Variants in SH3TC2 observed in about 807,000 individuals in gnomAD.
SH3TC2 encodes SH3 domain and tetratricopeptide repeat-containing protein 2.
In SH3TC2, 87 loss-of-function variants were observed where a neutral mutation model predicts 124.5. That is an observed-to-expected ratio of 0.70 (90% CI 0.59 to 0.84). The LOEUF (loss-of-function observed/expected upper bound fraction) is 0.84. SH3TC2 is among the 40% of genes least tolerant of loss of function. The pLI is 0.00. For missense variants in SH3TC2, 1,536 were observed against 1,566.4 expected (o/e 0.98, Z 0.33); for synonymous variants, 634 against 628.5 (o/e 1.01, Z -0.13).
rs529484096 is a variant in SH3TC2, at chr5:149,058,830, G to T, written c.52+4141C>A. On this transcript the variant is annotated intron_variant, in intron 1 of 16. Transcript: ENST00000515425. ...GTTTAGAATGGATACAGTAAGCGAT[G>T]GTGAGGTGTGAAATATTCTTGAGCA... is the stretch of plus-strand genomic sequence containing the variant. 9.9e-5 allele frequency among the ~76,000 whole-genome samples: 15 copies of T among 152,194 alleles called. No individual in the cohort carries two copies. The South Asian group carries it at 3.1e-3, about 32-fold the overall frequency.
rs1285566037 is a variant in SH3TC2 at position 149,031,594 on chromosome 5, G to T, written c.1095C>A (p.His365Gln). The change falls in exon 9 of 17, where the codon CAC becomes CAA. Residue 365 changes from histidine (H) to glutamine (Q), a missense_variant. By Grantham distance (24) the His-to-Gln change is conservative. Transcript: ENST00000515425. ...ATGTGATGTCAGTGCGAGCAAGAGTGTGGAGGAAGCTGGAACACTCAGTCT... is the reference window on the plus strand; with the variant it reads ...ATGTGATGTCAGTGCGAGCAAGAGTTTGGAGGAAGCTGGAACACTCAGTCT... ...DKQTECSSFL[H>Q]TLARTDITSV... The T allele has an allele frequency of 3.1e-6, 5 of 1,614,076 alleles. No individual in the cohort carries two copies. In the African/African-American group the frequency reaches 6.7e-5, roughly 22 times the overall value.
intron 5 of SH3TC2, among the ~76,000 whole-genome samples, chr5:149,041,947 T>C (rs1189176719): frequency 1.3e-5 from 2 of 152,226 alleles, no homozygotes; most frequent in African/African-American, 2.4e-5. Flanking sequence ...TCATTTATTG[T>C]TGCAACCTCA....
chr5:149,042,040 A>T (rs1754379906), intron 5 of SH3TC2, among the ~76,000 whole-genome samples: 1 of 152,230 alleles, frequency 6.6e-6, no homozygotes, highest in Admixed American at 6.5e-5. Flanking sequence ...TAATAGCATG[A>T]TATTAAATTC....
intron 1 of SH3TC2, 70 bp downstream of exon 1, chr5:149,062,901 G>A: frequency 1.4e-6 from 2 of 1,448,150 alleles, no homozygotes; most frequent in Non-Finnish European, 1.9e-6. Flanking sequence ...CAACCCAGCA[G>A]GTCCCTGAGC....
Position 148,994,903 on chromosome 5 carries a change from C to G in SH3TC2, c.*9808G>C, listed in dbSNP as rs1004912734. On this transcript the variant is annotated 3_prime_UTR_variant, in exon 17 of 17. Transcript: ENST00000515425. ...AGGGCAAGGATGAGGTTTTTATCCA[C>G]ATCCCACAATACCATGAACTTATGA... 6.6e-6 allele frequency among the ~76,000 whole-genome samples: 1 copy of G among 152,166 alleles called. No individual in the cohort carries two copies. Among genetic ancestry groups the G allele is most frequent in the Non-Finnish European group, 1.5e-5 (1 of 68,040 alleles).
intron 12 of SH3TC2, among the ~76,000 whole-genome samples, chr5:149,022,343 T>C (rs1489715348): frequency 1.3e-5 from 2 of 152,074 alleles, no homozygotes; most frequent in Non-Finnish European, 2.9e-5. Context: ...TGAGATACAA[T>C]ATCACTCCCA....
intron 4 of SH3TC2, 149 bp from the exon 5 acceptor site, chr5:149,042,986 G>T: frequency 1.2e-5 from 10 of 865,642 alleles, no homozygotes; most frequent in Non-Finnish European, 1.9e-5. Flanking sequence ...AACATAAGAG[G>T]CAAAGCCAGA....
chr5:149,007,181 G>A (rs749854781), intron 15 of SH3TC2, 104 bp from the exon 16 acceptor site: 2 of 1,035,870 alleles, frequency 1.9e-6, no homozygotes, highest in Non-Finnish European at 3.0e-6. Context: ...TAGATGTCAG[G>A]GACTGTGCTG....
At position 148,983,510 on chromosome 5, in the gene SH3TC2, C is replaced by A. The variant is rs905315518; in HGVS notation, c.*21201G>T. Among the ~76,000 whole-genome samples the A allele has an allele frequency of 6.3e-4, 96 of 152,162 alleles. No homozygotes were observed. Among genetic ancestry groups the A allele is most frequent in the African/African-American group, 2.2e-3 (92 of 41,434 alleles). On this transcript the variant is annotated 3_prime_UTR_variant, in exon 17 of 17. Transcript: ENST00000515425. ...TTATCCAGGTGGAGGTCCCAAGAAA[C>A]CAAATGCAGCTCCCTTTTTTACAGT... is the stretch of plus-strand genomic sequence containing the variant.
At chr5:149,005,043 C>A in intron 16 of SH3TC2, 141 bp from the exon 17 acceptor site, 1 of 986,746 alleles carries the variant, frequency 1.0e-6, no homozygotes, top group Non-Finnish European at 1.5e-6. Context: ...TCCCCATCTC[C>A]TGAGTCCTTA....
chr5:149,033,335 A>T (rs1287372522), intron 8 of SH3TC2, among the ~76,000 whole-genome samples: 1 of 152,234 alleles, frequency 6.6e-6, no homozygotes, highest in Non-Finnish European at 1.5e-5. Context: ...AGCTTCTGGC[A>T]ATATGGCAGG....
chr5:149,008,638 A>G, intron 15 of SH3TC2: 1 of 629,158 alleles, frequency 1.6e-6, no homozygotes, highest in South Asian at 1.9e-5. Context: ...AACTACCATG[A>G]GGTGGGCACT....
At chr5:149,009,967 C>G (rs1245829180) in intron 14 of SH3TC2, among the ~76,000 whole-genome samples, 1 of 152,178 alleles carries the variant, frequency 6.6e-6, no homozygotes, top group Admixed American at 6.5e-5. Context: ...AAGTGTGCTG[C>G]AGACCATAAA....
chr5:149,026,815 C>A, intron 11 of SH3TC2, 45 bp downstream of exon 11: 1 of 1,614,138 alleles, frequency 6.2e-7, no homozygotes, highest in Non-Finnish European at 8.5e-7. Context: ...AAACTTGATC[C>A]AACACTTTTC....
At chr5:149,062,389 C>T (rs1364734882) in intron 1 of SH3TC2, 1 of 533,772 alleles carries the variant, frequency 1.9e-6, no homozygotes, top group Non-Finnish European at 3.9e-6. Flanking sequence ...CCCAGGCAAA[C>T]CATAATGGCT....
chr5:149,061,790 G>C (rs192207623), intron 1 of SH3TC2, among the ~76,000 whole-genome samples: 3 of 152,204 alleles, frequency 2.0e-5, no homozygotes, highest in African/African-American at 4.8e-5. Context: ...ACTCTCATGG[G>C]GCACAATGAC....
In SH3TC2 at chr5:148,996,428, T is replaced by C. The variant is rs780934660; in HGVS notation, c.*8283A>G. On this transcript the variant is annotated 3_prime_UTR_variant, in exon 17 of 17. Coordinates refer to ENST00000515425, the MANE Select transcript of SH3TC2 (RefSeq NM_024577.4). Reference sequence around the variant, plus strand: ...ATGAAAATCCTCCAAGTAATCTTTCTGTTTGCTATCCTTTCCCTCCACCCA... The same window carrying C: ...ATGAAAATCCTCCAAGTAATCTTTCCGTTTGCTATCCTTTCCCTCCACCCA... 1.3e-5 allele frequency among the ~76,000 whole-genome samples: 2 copies of C among 152,196 alleles called. No individual in the cohort carries two copies. The highest frequency in any genetic ancestry group is 4.8e-5 in the African/African-American group (2 of 41,458).
chr5:149,008,591 T>C, intron 15 of SH3TC2: 1 of 550,464 alleles, frequency 1.8e-6, no homozygotes, highest in East Asian at 3.3e-5. Flanking sequence ...AGGATTGTGC[T>C]ATGGCTGTTA....
chr5:149,029,436 C>A (rs2127398033), intron 9 of SH3TC2, among the ~76,000 whole-genome samples: 1 of 152,118 alleles, frequency 6.6e-6, no homozygotes, highest in Middle Eastern at 3.4e-3. Context: ...GGTCTGGAGC[C>A]AAGGAGAAAA....
Sources: gnomAD v4.1 joint callset for allele counts (sites outside exome capture counted in the v4.1 genomes callset) on GRCh38, gnomAD v4.1.1 for gene constraint, MANE v1.5 for transcripts, NCBI Gene and HGNC (gene_info 2026-07-23, HGNC 2026-07-21) for gene names.